TENM1: variants seen among roughly 807,000 people sequenced by gnomAD.
TENM1 encodes the protein teneurin transmembrane protein 1.
A neutral mutation model predicts 174.8 loss-of-function variants in TENM1; 35 were observed. That is an observed-to-expected ratio of 0.20 (90% confidence interval 0.15 to 0.27). The LOEUF (loss-of-function observed/expected upper bound fraction) is 0.27. Among genes scored for constraint, TENM1 ranks in the 10% least tolerant of loss-of-function variants. The probability of loss-of-function intolerance (pLI) is 1.00; values close to 1 mark genes in which losing one functional copy is unlikely to be tolerated. For missense variants in TENM1, 1,633 were observed against 2,130.1 expected, an observed-to-expected ratio of 0.77 and a Z score of 4.59; for synonymous variants, 781 against 798.7, an observed-to-expected ratio of 0.98 and a Z score of 0.37.
chrX:124,475,675 G>A (rs952574451), intron 22 of TENM1, among the ~76,000 whole-genome samples: 6 of 111,348 alleles, frequency 5.4e-5, no homozygotes, highest in Non-Finnish European at 1.9e-5. Context: ...TGCTCTTTTG[G>A]TCCACCACCC....
At chrX:124,999,428 G>A in the TENM1 span, among the ~76,000 whole-genome samples, 28 of 110,992 alleles carry the variant, frequency 2.5e-4, no homozygotes, top group African/African-American at 2.9e-4. Context: ...TTAAATTTCC[G>A]TGAGGGATCA....
chrX:124,436,851 C>A, intron 23 of TENM1, among the ~76,000 whole-genome samples: 1 of 110,050 alleles, frequency 9.1e-6, no homozygotes, highest in African/African-American at 3.3e-5. Context: ...TTTTTTCTGA[C>A]CCTGTAACAT....
chrX:124,997,965 G>A, the TENM1 span, among the ~76,000 whole-genome samples: 1 of 109,344 alleles, frequency 9.1e-6, no homozygotes, highest in Non-Finnish European at 1.9e-5. Flanking sequence ...CCTTGCATTT[G>A]CTTATTAACA....
chrX:125,126,723 C>G, the TENM1 span, among the ~76,000 whole-genome samples: 1 of 110,861 alleles, frequency 9.0e-6, no homozygotes, highest in Non-Finnish European at 1.9e-5. Flanking sequence ...TGAAGTGCAG[C>G]CAATGAAAAC....
the TENM1 span, among the ~76,000 whole-genome samples, chrX:125,050,106 T>C: frequency 1.8e-5 from 2 of 109,682 alleles, no homozygotes; most frequent in African/African-American, 3.3e-5. Context: ...GTAGGCAACA[T>C]GGGCAGATTA....
chrX:124,588,340 G>A (rs7876857), intron 11 of TENM1, among the ~76,000 whole-genome samples: 41,662 of 110,534 alleles, frequency 0.38, 6,893 homozygotes, highest in East Asian at 0.79. Context: ...GCACATATAT[G>A]CCATGGAATA....
chrX:125,078,570 C>A, the TENM1 span, among the ~76,000 whole-genome samples: 1,160 of 110,954 alleles, frequency 0.01, 18 homozygotes, highest in African/African-American at 0.036. Context: ...TTTATTTCAC[C>A]TCATTACCTA....
the TENM1 span, among the ~76,000 whole-genome samples, chrX:124,985,773 C>T: frequency 5.4e-5 from 6 of 111,976 alleles, no homozygotes; most frequent in Admixed American, 2.8e-4. Flanking sequence ...GGTCTCTGTG[C>T]AATGTAATTA....
chrX:124,430,676 GCTTTCAAGGTTTC>G (rs2060770629), intron 23 of TENM1, among the ~76,000 whole-genome samples: 1 of 111,689 alleles, frequency 9.0e-6, no homozygotes, highest in Non-Finnish European at 1.9e-5. Context: ...ATATAGTCAT[GCTTTCAAGGTTTC>G]TCTTGATTCT....
intron 3 of TENM1, among the ~76,000 whole-genome samples, chrX:124,815,704 G>GA (rs757332931): frequency 4.6e-5 from 5 of 109,564 alleles, no homozygotes; most frequent in African/African-American, 1.3e-4. Context: ...GTTGAATAAA[G>GA]AAAAAAAATT....
the TENM1 span, among the ~76,000 whole-genome samples, chrX:125,001,935 A>T: frequency 2.2e-5 from 2 of 91,022 alleles, no homozygotes; most frequent in Non-Finnish European, 4.4e-5. Flanking sequence ...TCACACACAC[A>T]CACACACACA....
At chrX:124,646,440 G>A (rs2051160746) in intron 9 of TENM1, among the ~76,000 whole-genome samples, 3 of 112,185 alleles carry the variant, frequency 2.7e-5, no homozygotes, top group African/African-American at 9.7e-5. Context: ...AAACTCTCTG[G>A]CATTGTTTCT....
At chrX:125,154,160 G>GACAAAGTAATT in the TENM1 span, among the ~76,000 whole-genome samples, 1 of 111,735 alleles carries the variant, frequency 8.9e-6, no homozygotes, top group African/African-American at 3.3e-5. Context: ...TTTACTATAG[G>GACAAAGTAATT]ACAAAGTAAT....
intron 25 of TENM1, among the ~76,000 whole-genome samples, chrX:124,411,200 G>C (rs1243465147): frequency 9.0e-6 from 1 of 111,425 alleles, no homozygotes; most frequent in African/African-American, 3.3e-5. Context: ...TACATATTTT[G>C]TACCCATCCC....
At chrX:124,742,136 AT>A (rs2053815424) in intron 3 of TENM1, among the ~76,000 whole-genome samples, 1 of 111,961 alleles carries the variant, frequency 8.9e-6, no homozygotes, top group Non-Finnish European at 1.9e-5. Context: ...TAAATTGATC[AT>A]TCTTTTCTTT....
Position 124,453,592 on chromosome X carries a change from A to G in TENM1, c.3950-101T>C, listed in dbSNP as rs749994036. The G allele has an allele frequency of 5.0e-6, 4 of 792,561 alleles. No homozygotes were observed. The South Asian group carries it at 1.2e-4, about 23-fold the overall frequency. The allele number at this position is 792,561 out of a possible 1,213,427, so 65.3% of individuals were successfully genotyped here. On this transcript the variant is annotated intron_variant, in intron 22 of 31. Transcript: ENST00000422452. ...CCATAGCAATGGAAAGGCATTTTAA[A>G]GACATATAGATTCAATTTTGCTCAG... is the stretch of plus-strand genomic sequence containing the variant.
rs143507066 is a variant in TENM1, at chrX:124,604,195, C to T, written c.2077+37596G>A. ...GCTCCTCAAAAATAAAGGCAGTCTG[C>T]TCTACCTTGATGTTTGGATTGCTCA... On this transcript the variant is annotated intron_variant, in intron 11 of 31. Coordinates refer to ENST00000422452, the Ensembl canonical transcript of TENM1. 3.4e-3 allele frequency among the ~76,000 whole-genome samples: 378 copies of T among 111,445 alleles called. 1 individual carries two copies. The highest frequency in any genetic ancestry group is 6.0e-3 in the Non-Finnish European group (319 of 52,910).
At chrX:125,200,671 G>GAA in the TENM1 span, among the ~76,000 whole-genome samples, 1 of 108,612 alleles carries the variant, frequency 9.2e-6, no homozygotes, top group South Asian at 4.0e-4. Flanking sequence ...GAGAGAGAGA[G>GAA]AGAGAGAACA....
intron 5 of TENM1, among the ~76,000 whole-genome samples, chrX:124,676,898 G>A (rs752613007): frequency 2.5e-4 from 27 of 107,499 alleles, no homozygotes; most frequent in South Asian, 8.1e-4. Flanking sequence ...ACAGGAATGC[G>A]TCAGAAGTAA....
Sources: gnomAD v4.1 joint callset for allele counts (sites outside exome capture counted in the v4.1 genomes callset) on GRCh38, gnomAD v4.1.1 for gene constraint, MANE v1.5 for transcripts, NCBI Gene and HGNC (gene_info 2026-07-23, HGNC 2026-07-21) for gene names.